The following PSMD9 variants were observed in gnomAD, a reference collection of about 807,000 sequenced individuals.
The protein encoded by PSMD9 is 26S proteasome non-ATPase regulatory subunit 9.
A neutral mutation model predicts 25.9 loss-of-function variants in PSMD9; 26 were observed. The ratio of observed to expected loss-of-function variants is 1.00; its 90% confidence interval spans 0.73 to 1.39. The LOEUF is 1.39. PSMD9 is among the 40% of genes most tolerant of loss of function. PSMD9 has a pLI of 0.00. For missense variants in PSMD9, 303 were observed against 299.3 expected (o/e 1.01, Z -0.09); for synonymous variants, 110 against 114.5 (o/e 0.96, Z 0.25).
chr12:121,911,461 C>T (rs369756817), intron 4 of PSMD9, among the ~76,000 whole-genome samples: 123 of 152,160 alleles, frequency 8.1e-4, no homozygotes, highest in African/African-American at 2.8e-3. Context: ...TATTTTTATC[C>T]ATTCATTAGT....
intron 5 of PSMD9, 120 bp downstream of exon 5, chr12:121,916,064 G>A (rs773350317): frequency 1.5e-5 from 18 of 1,211,486 alleles, no homozygotes; most frequent in Non-Finnish European, 2.1e-5. Context: ...AGTTTGCATG[G>A]AAACTGCAGA....
intron 2 of PSMD9, among the ~76,000 whole-genome samples, chr12:121,895,610 C>T (rs1327179900): frequency 1.3e-5 from 2 of 151,700 alleles, no homozygotes; most frequent in Non-Finnish European, 2.9e-5. Context: ...GGCTGCCCAC[C>T]GTCCTTGGCT....
At chr12:121,907,168 C>G (rs1490864043) in intron 4 of PSMD9, among the ~76,000 whole-genome samples, 2 of 151,616 alleles carry the variant, frequency 1.3e-5, no homozygotes, top group Non-Finnish European at 2.9e-5. Context: ...CTCACAGATT[C>G]AAGCGATTCT....
rs549583673 is a variant in PSMD9 at position 121,894,869 on chromosome 12, C to T, written c.241+28C>T. ...GAGTGGCCCTCTTAGAAGACTTTCC[C>T]CACCTTGTGGTGGGAAGGTGTTAAA... On this transcript the variant is annotated intron_variant, in intron 2 of 5. Transcript: ENST00000541212. 7.5e-6 allele frequency: 12 copies of T among 1,589,844 alleles called. No individual in the cohort carries two copies. The African/African-American group carries it at 1.1e-4, about 14-fold the overall frequency.
chr12:121,892,049 A>G (rs956676741), intron 1 of PSMD9, among the ~76,000 whole-genome samples: 2 of 152,294 alleles, frequency 1.3e-5, no homozygotes, highest in East Asian at 1.9e-4. Flanking sequence ...AGAAAAAATG[A>G]TAAGTTGGAC....
chr12:121,913,062 G>A (rs371324825), intron 4 of PSMD9, among the ~76,000 whole-genome samples: 128 of 150,088 alleles, frequency 8.5e-4, no homozygotes, highest in African/African-American at 2.8e-3. Context: ...TCAGCCTCCC[G>A]AGTAGCTGGG....
intron 4 of PSMD9, among the ~76,000 whole-genome samples, chr12:121,909,277 G>A (rs961010799): frequency 1.3e-5 from 2 of 151,584 alleles, no homozygotes; most frequent in South Asian, 2.1e-4. Flanking sequence ...CCCTCACACA[G>A]TTTCCACACG....
Position 121,917,507 on chromosome 12 carries a change from T to C in PSMD9, c.*1196T>C, listed in dbSNP as rs1008524153. 6.6e-6 allele frequency: 1 copy of C among 152,266 alleles called. No homozygotes were observed. The highest frequency in any genetic ancestry group is 1.5e-5 in the Non-Finnish European group (1 of 68,046). 9.4% of individuals were successfully genotyped at this position (152,266 alleles called of 1,614,324 possible). ...TATTTTTTCCTCTCCATGGTATCAG[T>C]GTTCATTTCCCCAGTTCTTGCACAC... On this transcript the variant is annotated 3_prime_UTR_variant, in exon 6 of 6. Coordinates refer to ENST00000541212, the MANE Select transcript of PSMD9 (RefSeq NM_002813.7).
intron 4 of PSMD9, among the ~76,000 whole-genome samples, chr12:121,903,572 C>T (rs1030367372): frequency 5.3e-5 from 8 of 151,990 alleles, no homozygotes; most frequent in African/African-American, 1.9e-4. Context: ...CAGCACAGCC[C>T]CATTCAAGGA....
chr12:121,893,283 G>C (rs1879139700), intron 1 of PSMD9, among the ~76,000 whole-genome samples: 1 of 152,206 alleles, frequency 6.6e-6, no homozygotes, highest in South Asian at 2.1e-4. Flanking sequence ...GGAGTGTGGA[G>C]AACTATCTCC....
Position 121,899,638 on chromosome 12 carries a change from G to A in PSMD9, c.246G>A (p.Leu82=), listed in dbSNP as rs1879330332. The change falls in exon 3 of 6, where the codon CTG becomes CTA. Residue 82 remains leucine (L), a synonymous_variant. Coordinates refer to ENST00000541212, the MANE Select transcript of PSMD9 (RefSeq NM_002813.7). The stretch of plus-strand genomic sequence containing the variant: ...GATGTGTGGTTCTCATCCCAGGCCT[G>A]CAGAATGATCACAAGGCAGTGATGA... ...VRTARHNIIC[L]QNDHKAVMKQ... 3.7e-6 allele frequency: 6 copies of A among 1,603,488 alleles called. No individual in the cohort carries two copies. The highest frequency in any genetic ancestry group is 1.3e-5 in the African/African-American group (1 of 74,762).
chr12:121,894,644 C>T (rs1285052222), intron 1 of PSMD9, 95 bp from the exon 2 acceptor site: 2 of 1,056,888 alleles, frequency 1.9e-6, no homozygotes. Context: ...ATTACTGTCA[C>T]CTTTATTATG....
intron 4 of PSMD9, among the ~76,000 whole-genome samples, chr12:121,912,998 A>T (rs577485847): frequency 6.9e-6 from 1 of 145,366 alleles, no homozygotes; most frequent in Non-Finnish European, 1.5e-5. Context: ...GTGCAGTGGC[A>T]CAATCTCGGC....
intron 1 of PSMD9, among the ~76,000 whole-genome samples, chr12:121,892,002 C>A (rs770387337): frequency 2.6e-5 from 4 of 151,396 alleles, no homozygotes; most frequent in Admixed American, 6.6e-5. Flanking sequence ...TTAGGCAAAG[C>A]CTTTTTAGAT....
At chr12:121,901,666 C>CTT (rs563939839) in intron 3 of PSMD9, among the ~76,000 whole-genome samples, 5,974 of 93,222 alleles carry the variant, frequency 0.064, 1,503 homozygotes, top group African/African-American at 0.29. Context: ...TTCATTCCTT[C>CTT]TTTTTTTTTT....
rs1879987550 is a variant in PSMD9 at position 121,918,279 on chromosome 12, CT to C, written c.*1972del. ...CCATGAGACCTGGAAATTCAGTTTG[CT>C]TTTGGAAAAGAGCATTGTATCCGAG... On this transcript the variant is annotated 3_prime_UTR_variant, in exon 6 of 6. Transcript: ENST00000541212. The surrounding 1 kb of genome is among the most constrained non-coding windows in gnomAD (Gnocchi z 4.3). The C allele has an allele frequency of 2.6e-5, 4 of 152,344 alleles. No homozygotes were observed. Among genetic ancestry groups the C allele is most frequent in the African/African-American group, 7.2e-5 (3 of 41,568 alleles). 9.4% of individuals were successfully genotyped at this position (152,344 alleles called of 1,614,324 possible).
intron 1 of PSMD9, 110 bp downstream of exon 1, chr12:121,889,104 G>C (rs1334827467): frequency 1.4e-6 from 2 of 1,387,686 alleles, no homozygotes; most frequent in African/African-American, 2.9e-5. Context: ...GATCTCCCTG[G>C]GAGGCCCAAG....
intron 4 of PSMD9, among the ~76,000 whole-genome samples, chr12:121,904,502 AG>A (rs1434180568): frequency 6.6e-6 from 1 of 150,852 alleles, no homozygotes; most frequent in African/African-American, 2.5e-5. Flanking sequence ...TGAACCCAGG[AG>A]GCAGAGCTTG....
Position 121,899,909 on chromosome 12 carries a change from G to A in PSMD9, c.453+64G>A, listed in dbSNP as rs749494679. 5.1e-6 allele frequency: 8 copies of A among 1,574,748 alleles called. 1 individual carries two copies. The South Asian group carries it at 7.8e-5, about 15-fold the overall frequency. On this transcript the variant is annotated intron_variant, in intron 3 of 5. Coordinates refer to ENST00000541212, the MANE Select transcript of PSMD9 (RefSeq NM_002813.7). ...GACACGGTGGGTCAGGTAGCCTTCG[G>A]GGATGTGGAAAGACAGACTAGTTCT... is the stretch of plus-strand genomic sequence containing the variant.
Sources: gnomAD v4.1 joint callset for allele counts (sites outside exome capture counted in the v4.1 genomes callset) on GRCh38, gnomAD v4.1.1 for gene constraint, Gnocchi (gnomAD v3.1) non-coding constraint, MANE v1.5 for transcripts, NCBI Gene and HGNC (gene_info 2026-07-23, HGNC 2026-07-21) for gene names.